The following EFNA5 variants were observed in gnomAD, a reference collection of about 807,000 sequenced individuals.
The protein encoded by EFNA5 is ephrin-A5.
EFNA5 carries 5 observed loss-of-function variants against 22.9 expected under a neutral mutation model. The ratio of observed to expected loss-of-function variants is 0.22; its 90% CI spans 0.11 to 0.46. The LOEUF is 0.46. EFNA5 is among the 20% of genes least tolerant of loss of function. The pLI is 0.99. For missense variants in EFNA5, 237 were observed against 293.3 expected, an observed-to-expected ratio of 0.81 and a Z score of 1.40; for synonymous variants, 113 against 112.2, an observed-to-expected ratio of 1.01 and a Z score of -0.04.
intron 1 of EFNA5, among the ~76,000 whole-genome samples, chr5:107,619,215 G>A (rs1415633976): frequency 2.7e-5 from 4 of 150,546 alleles, no homozygotes; most frequent in African/African-American, 7.3e-5. Context: ...GTGAGCCACC[G>A]CACCCGGCCA....
At chr5:107,591,836 TATATATAAA>T (rs1356567350) in intron 1 of EFNA5, among the ~76,000 whole-genome samples, 14 of 99,746 alleles carry the variant, frequency 1.4e-4, no homozygotes, top group African/African-American at 5.0e-4. Flanking sequence ...AATATATATA[TATATATAAA>T]ATATATATAA....
intron 1 of EFNA5, among the ~76,000 whole-genome samples, chr5:107,646,720 T>C (rs1173261671): frequency 2.6e-5 from 4 of 152,118 alleles, no homozygotes; most frequent in Non-Finnish European, 4.4e-5. Context: ...CTGAAAAAAA[T>C]ATTTACATGG....
chr5:107,450,189 C>G (rs550259982), intron 1 of EFNA5, among the ~76,000 whole-genome samples: 1 of 152,264 alleles, frequency 6.6e-6, no homozygotes, highest in African/African-American at 2.4e-5. Flanking sequence ...ATATGCCACA[C>G]AAAAATTTTT....
At chr5:107,553,238 A>C (rs1748337380) in intron 1 of EFNA5, among the ~76,000 whole-genome samples, 1 of 152,206 alleles carries the variant, frequency 6.6e-6, no homozygotes, top group African/African-American at 2.4e-5. Context: ...GGCCATGACT[A>C]ACAATGGGAC....
At chr5:107,644,722 G>C (rs1369982117) in intron 1 of EFNA5, among the ~76,000 whole-genome samples, 1 of 151,976 alleles carries the variant, frequency 6.6e-6, no homozygotes, top group African/African-American at 2.4e-5. Context: ...TTGTTTTTTT[G>C]AGACAGTCTT....
chr5:107,487,256 C>A (rs1195220145), intron 1 of EFNA5, among the ~76,000 whole-genome samples: 2 of 152,122 alleles, frequency 1.3e-5, no homozygotes. Flanking sequence ...AACACCTAAC[C>A]AACTTCTGGC....
chr5:107,503,762 C>A (rs1747192517), intron 1 of EFNA5, among the ~76,000 whole-genome samples: 1 of 152,028 alleles, frequency 6.6e-6, no homozygotes, highest in African/African-American at 2.4e-5. Flanking sequence ...ATCTTCATAA[C>A]CATTAATATT....
rs116704245 is a variant in EFNA5, at chr5:107,528,248, T to A, written c.126-100739A>T. ...CCATCTTCATCCCCAGAGCTTGATATCAAAACAACTAAGCCAGAAAGAAGA... is the reference window on the plus strand; with the variant it reads ...CCATCTTCATCCCCAGAGCTTGATAACAAAACAACTAAGCCAGAAAGAAGA... On this transcript the variant is annotated intron_variant, in intron 1 of 4. Coordinates refer to ENST00000333274, the MANE Select transcript of EFNA5 (RefSeq NM_001962.3). 6.9e-3 allele frequency among the ~76,000 whole-genome samples: 1,056 copies of A among 152,290 alleles called. 13 individuals carry two copies. Among genetic ancestry groups the A allele is most frequent in the African/African-American group, 0.024 (991 of 41,556 alleles).
At chr5:107,525,226 C>T (rs1004229406) in intron 1 of EFNA5, among the ~76,000 whole-genome samples, 1 of 152,046 alleles carries the variant, frequency 6.6e-6, no homozygotes, top group Non-Finnish European at 1.5e-5. Context: ...GGGTTAATGA[C>T]TGAAGAAATT....
intron 1 of EFNA5, among the ~76,000 whole-genome samples, chr5:107,539,559 A>G (rs1477343636): frequency 6.6e-6 from 1 of 152,174 alleles, no homozygotes. Context: ...CCCGGGTTCT[A>G]GCAACTCTCC....
At chr5:107,439,639 C>A (rs772673123) in intron 1 of EFNA5, among the ~76,000 whole-genome samples, 1 of 151,268 alleles carries the variant, frequency 6.6e-6, no homozygotes, top group African/African-American at 2.4e-5. Context: ...CTGCTCTGAG[C>A]AAATGGCTGC....
intron 1 of EFNA5, among the ~76,000 whole-genome samples, chr5:107,490,220 G>C (rs754786055): frequency 2.0e-5 from 3 of 150,310 alleles, no homozygotes; most frequent in Non-Finnish European, 2.9e-5. Flanking sequence ...TTGGTAACCA[G>C]TGCATAGTGA....
At chr5:107,584,141 G>C (rs1445255243) in intron 1 of EFNA5, among the ~76,000 whole-genome samples, 1 of 152,180 alleles carries the variant, frequency 6.6e-6, no homozygotes, top group Non-Finnish European at 1.5e-5. Flanking sequence ...GGAATATCAA[G>C]ATTTTCCCCA....
chr5:107,582,511 A>G (rs872240), intron 1 of EFNA5, among the ~76,000 whole-genome samples: 71,775 of 151,958 alleles, frequency 0.47, 17,910 homozygotes, highest in African/African-American at 0.58. Context: ...AGGAAGCTAA[A>G]CAAGAAATGT....
At chr5:107,545,554 T>C (rs1748128767) in intron 1 of EFNA5, among the ~76,000 whole-genome samples, 2 of 152,166 alleles carry the variant, frequency 1.3e-5, no homozygotes, top group Admixed American at 6.5e-5. Context: ...TGAGGATGTA[T>C]TTATTTTTCC....
intron 1 of EFNA5, among the ~76,000 whole-genome samples, chr5:107,533,379 C>A (rs1340454518): frequency 1.3e-5 from 2 of 152,122 alleles, no homozygotes; most frequent in Non-Finnish European, 2.9e-5. Flanking sequence ...AATTGGGCTT[C>A]TTTCTATCTC....
chr5:107,403,094 T>G (rs1288972181), intron 2 of EFNA5, among the ~76,000 whole-genome samples: 1 of 152,130 alleles, frequency 6.6e-6, no homozygotes, highest in African/African-American at 2.4e-5. Flanking sequence ...AAACTCAAGA[T>G]GCGCATGACA....
intron 1 of EFNA5, among the ~76,000 whole-genome samples, chr5:107,569,543 GTGTGTATATATATATT>G (rs1748740019): frequency 8.8e-6 from 1 of 113,696 alleles, no homozygotes; most frequent in African/African-American, 3.0e-5. Flanking sequence ...ATATATATAT[GTGTGTATATATATATT>G]TATATATATA....
chr5:107,556,182 C>A (rs1017865985), intron 1 of EFNA5, among the ~76,000 whole-genome samples: 4 of 152,198 alleles, frequency 2.6e-5, no homozygotes, highest in Admixed American at 1.3e-4. Context: ...CCAGACCTGG[C>A]ACTCACAGTT....
Sources: gnomAD v4.1 joint callset for allele counts (sites outside exome capture counted in the v4.1 genomes callset) on GRCh38, gnomAD v4.1.1 for gene constraint, MANE v1.5 for transcripts, NCBI Gene and HGNC (gene_info 2026-07-23, HGNC 2026-07-21) for gene names.